Variants in KRT15 observed in about 807,000 individuals in gnomAD.
The protein encoded by KRT15 is keratin, type I cytoskeletal 15.
In KRT15, 45 loss-of-function variants were observed where a neutral mutation model predicts 46.6. The observed-to-expected ratio is 0.97, with a 90% CI of 0.76 to 1.24. The LOEUF (loss-of-function observed/expected upper bound fraction) is 1.24. Among genes scored for constraint, KRT15 ranks in the 50% most tolerant of loss-of-function variants. KRT15 has a pLI of 0.00. For missense variants in KRT15, 592 were observed against 588.9 expected, an observed-to-expected ratio of 1.01 and a Z score of -0.05; for synonymous variants, 221 against 233.8, an observed-to-expected ratio of 0.95 and a Z score of 0.50.
chr17:41,518,418 A>T lies in KRT15; in HGVS notation c.410T>A (p.Ile137Asn). The change falls in exon 1 of 8, where the codon ATC becomes AAC. Residue 137 changes from isoleucine to asparagine, a missense_variant. Transcript: ENST00000254043. ...EEANADLEVK[I>N]HDWYQKQTPT... is the part of the protein sequence containing the mutation. ...GGTCTGCTTCTGGTACCAGTCATGG[A>T]TCTTCACCTCCAGGTCAGCATTGGC... The T allele has an allele frequency of 6.2e-7, 1 of 1,614,012 alleles. No homozygotes were observed. Among genetic ancestry groups the T allele is most frequent in the Admixed American group, 1.7e-5 (1 of 60,016 alleles).
chr17:41,517,839 T>C (rs1005594241), intron 1 of KRT15, among the ~76,000 whole-genome samples: 2 of 152,186 alleles, frequency 1.3e-5, no homozygotes, highest in African/African-American at 4.8e-5. Flanking sequence ...AGGAATACTT[T>C]ATGCAGAAGC....
chr17:41,516,917 T>C lies in KRT15; in HGVS notation c.629A>G (p.Asn210Ser), dbSNP rs897490395. ...CTCATCCAGGACTCGGCGCAAGCCGTTGATGTCAGCCTCAACGCCCTGGCG... is the reference window on the plus strand; with the variant it reads ...CTCATCCAGGACTCGGCGCAAGCCGCTGATGTCAGCCTCAACGCCCTGGCG... ...ALRQGVEADI[N>S]GLRRVLDELT... Residue 210 changes from asparagine (N) to serine (S), a missense_variant, in exon 3 of 8, where the codon AAC becomes AGC. Coordinates refer to ENST00000254043, the MANE Select transcript of KRT15 (RefSeq NM_002275.4). 2.5e-6 allele frequency: 4 copies of C among 1,614,070 alleles called. No homozygotes were observed. The highest frequency in any genetic ancestry group is 3.4e-6 in the Non-Finnish European group (4 of 1,180,034).
chr17:41,514,542 C>A, intron 7 of KRT15, 107 bp downstream of exon 7: 1 of 1,046,238 alleles, frequency 9.6e-7, no homozygotes, highest in Non-Finnish European at 1.5e-6. Flanking sequence ...AATGTTCCCA[C>A]CTAATGGGAT....
Position 41,516,135 on chromosome 17 carries a change from C to T in KRT15, c.869G>A (p.Arg290His), listed in dbSNP as rs202191389. ...EQYEAMAEKN[R>H]RDVEAWFFSK... ...GAAGAACCAGGCCTCGACATCCCGGCGGTTCTTCTCCGCCATGGCCTCGTA... is the reference window on the plus strand; with the variant it reads ...GAAGAACCAGGCCTCGACATCCCGGTGGTTCTTCTCCGCCATGGCCTCGTA... Residue 290 changes from arginine to histidine, a missense_variant, in exon 4 of 8, where the codon CGC becomes CAC. By Grantham distance (29) the Arg-to-His change is conservative. Transcript: ENST00000254043. 7.4e-5 allele frequency: 119 copies of T among 1,614,188 alleles called. No homozygotes were observed. In the East Asian group the frequency reaches 1.5e-3, roughly 21 times the overall value.
At position 41,518,877 on chromosome 17, in the gene KRT15, G is replaced by A; in HGVS notation, c.-50C>T. 2 of 1,518,034 alleles carry A rather than the reference G, an allele frequency of 1.3e-6. No individual in the cohort carries two copies. The highest frequency in any genetic ancestry group is 2.3e-5 in the East Asian group (1 of 44,110). 94.0% of individuals were successfully genotyped at this position (1,518,034 alleles called of 1,614,324 possible). On this transcript the variant is annotated 5_prime_UTR_variant, in exon 1 of 8. Coordinates refer to ENST00000254043, the MANE Select transcript of KRT15 (RefSeq NM_002275.4). ...TTCTCAGCAAACCCAAGAGATGCTG[G>A]CAGGAGGTACCAGGCCAGGCTGCAC...
chr17:41,517,319 G>A (rs777418364), intron 1 of KRT15, 154 bp from the exon 2 acceptor site: 5 of 652,138 alleles, frequency 7.7e-6, no homozygotes, highest in Admixed American at 2.7e-5. Context: ...TTCTGGGGTG[G>A]GCAAAGTCCA....
intron 7 of KRT15, 71 bp from the exon 8 acceptor site, chr17:41,514,191 C>A (rs1198021023): frequency 8.0e-7 from 1 of 1,242,846 alleles, no homozygotes; most frequent in Non-Finnish European, 1.2e-6. Flanking sequence ...AGGACCTTGG[C>A]GGGGCTCTGG....
chr17:41,515,934 C>G lies in KRT15; in HGVS notation c.977G>C (p.Arg326Thr). ...QTSKTEITDL[R>T]RTMQELEIEL... is the part of the protein sequence containing the mutation. The stretch of plus-strand genomic sequence containing the variant: ...GATCTCCAGCTCCTGCATCGTGCGT[C>G]TCAGGTCTGTGATCTCCGTCTTGCT... The change falls in exon 5 of 8, where the codon AGA (arginine) becomes ACA (threonine). Residue 326 changes from arginine (R) to threonine (T), a missense_variant. Arg to Thr is a moderately conservative substitution (Grantham distance 71). Coordinates refer to ENST00000254043, the MANE Select transcript of KRT15 (RefSeq NM_002275.4). 1 of 1,614,170 alleles carries G rather than the reference C, an allele frequency of 6.2e-7. No homozygotes were observed. The highest frequency in any genetic ancestry group is 8.5e-7 in the Non-Finnish European group (1 of 1,180,030).
Position 41,518,480 on chromosome 17 carries a change from C to T in KRT15, c.348G>A (p.Leu116=), listed in dbSNP as rs754485179. ...KITMQNLNDR[L]ASYLDKVRAL... is the part of the protein sequence containing the mutation. ...CACGTACCTTGTCCAGGTAGGAGGC[C>T]AGGCGGTCATTGAGGTTCTGCATGG... Residue 116 remains leucine, a synonymous_variant, in exon 1 of 8, where the codon CTG becomes CTA. Transcript: ENST00000254043. 75 of 1,613,914 alleles carry T rather than the reference C, an allele frequency of 4.6e-5. No individual in the cohort carries two copies. Among genetic ancestry groups the T allele is most frequent in the Non-Finnish European group, 5.8e-5 (69 of 1,180,006 alleles).
Position 41,518,377 on chromosome 17 carries a change from A to G in KRT15, c.451T>C (p.Cys151Arg). 1.9e-6 allele frequency: 3 copies of G among 1,614,026 alleles called. No individual in the cohort carries two copies. Among genetic ancestry groups the G allele is most frequent in the Non-Finnish European group, 2.5e-6 (3 of 1,179,974 alleles). The change falls in exon 1 of 8, where the codon TGC becomes CGC. Residue 151 changes from cysteine (C) to arginine (R), a missense_variant. Cys to Arg is a radical substitution (Grantham distance 180, BLOSUM62 -3). Coordinates refer to ENST00000254043, the MANE Select transcript of KRT15 (RefSeq NM_002275.4). ...GTCTTGAAGTATTGGCTGTAGTCGC[A>G]TTCTGGGCTGGTTGGGGTCTGCTTC... The part of the protein sequence containing the change: ...YQKQTPTSPE[C>R]DYSQYFKTIE...
At chr17:41,514,421 T>C (rs1422500180) in intron 7 of KRT15, 2 of 600,002 alleles carry the variant, frequency 3.3e-6, no homozygotes, top group Non-Finnish European at 3.0e-6. Context: ...GGGAGAGACA[T>C]GCCCTGAATG....
At position 41,516,981 on chromosome 17, in the gene KRT15, C is replaced by T; in HGVS notation, c.582-17G>A. 6.2e-7 allele frequency: 1 copy of T among 1,614,200 alleles called. No individual in the cohort carries two copies. The highest frequency in any genetic ancestry group is 8.5e-7 in the Non-Finnish European group (1 of 1,180,028). ...TTCTCATACCTGAGGAGAGGGAGGC[C>T]AAAGAAGGAAGTGGGAGGGGTCTTG... On this transcript the variant is annotated splice_polypyrimidine_tract_variant and intron_variant, in intron 2 of 7. Transcript: ENST00000254043.
intron 5 of KRT15, 77 bp from the exon 6 acceptor site, chr17:41,515,769 A>T: frequency 3.8e-6 from 6 of 1,596,218 alleles, no homozygotes; most frequent in Non-Finnish European, 5.1e-6. Flanking sequence ...GGGGCACTGA[A>T]TGGAGTTCAG....
At chr17:41,515,300 C>T in intron 6 of KRT15, 172 bp downstream of exon 6, 2 of 609,240 alleles carry the variant, frequency 3.3e-6, no homozygotes, top group East Asian at 5.5e-5. Context: ...TGACCTGTCC[C>T]AGGTAACAGC....
intron 5 of KRT15, 59 bp from the exon 6 acceptor site, chr17:41,515,751 G>A: frequency 6.3e-7 from 1 of 1,596,608 alleles, no homozygotes; most frequent in African/African-American, 1.3e-5. Context: ...CTGAGGGCAA[G>A]CAGGGAGGGG....
chr17:41,518,404 G>T lies in KRT15; in HGVS notation c.424C>A (p.Gln142Lys). ...DLEVKIHDWY[Q>K]KQTPTSPECD... ...TCTGGGCTGGTTGGGGTCTGCTTCT[G>T]GTACCAGTCATGGATCTTCACCTCC... Residue 142 changes from glutamine (Q) to lysine (K), a missense_variant, in exon 1 of 8, where the codon CAG becomes AAG. Transcript: ENST00000254043. 1 of 1,614,014 alleles carries T rather than the reference G, an allele frequency of 6.2e-7. No homozygotes were observed. Among genetic ancestry groups the T allele is most frequent in the Non-Finnish European group, 8.5e-7 (1 of 1,179,994 alleles).
chr17:41,517,226 T>C, intron 1 of KRT15, 61 bp from the exon 2 acceptor site: 1 of 1,420,666 alleles, frequency 7.0e-7, no homozygotes, highest in Non-Finnish European at 9.9e-7. Flanking sequence ...CTCTCTGCTC[T>C]GCACCCAAGG....
At chr17:41,514,795 T>TA (rs1423077087) in intron 6 of KRT15, 121 bp from the exon 7 acceptor site, 1 of 887,920 alleles carries the variant, frequency 1.1e-6, no homozygotes, top group Non-Finnish European at 1.8e-6. Context: ...CCCACACATC[T>TA]GACTCCTCTA....
In KRT15 at chr17:41,513,838, G is replaced by T; in HGVS notation, c.*185C>A. 1.7e-6 allele frequency: 1 copy of T among 597,990 alleles called. No homozygotes were observed. The highest frequency in any genetic ancestry group is 1.9e-5 in the South Asian group (1 of 52,636). 37.0% of individuals were successfully genotyped at this position (597,990 alleles called of 1,614,324 possible). ...TACAGCTGCATCTCCTTGCTCCAAA[G>T]AAGGTGGGGAGAGGCAGAGGGGGAA... is the stretch of plus-strand genomic sequence containing the variant. On this transcript the variant is annotated 3_prime_UTR_variant, in exon 8 of 8. Coordinates refer to ENST00000254043, the MANE Select transcript of KRT15 (RefSeq NM_002275.4).
Sources: gnomAD v4.1 joint callset for allele counts (sites outside exome capture counted in the v4.1 genomes callset) on GRCh38, gnomAD v4.1.1 for gene constraint, MANE v1.5 for transcripts, NCBI Gene and HGNC (gene_info 2026-07-23, HGNC 2026-07-21) for gene names.